GALNT1: variants seen among roughly 807,000 people sequenced by gnomAD.
GALNT1 encodes the protein GalNAc transferase 1.
Under a neutral mutation model 65.7 loss-of-function variants are expected in GALNT1, and 17 were observed. That is an observed-to-expected ratio of 0.26 (90% confidence interval 0.18 to 0.39). The LOEUF is 0.39. GALNT1 is among the 10% of genes least tolerant of loss of function. GALNT1 has a pLI of 1.00. For missense variants in GALNT1, 460 were observed against 672.8 expected, an observed-to-expected ratio of 0.68 and a Z score of 3.50; for synonymous variants, 210 against 219.7, an observed-to-expected ratio of 0.96 and a Z score of 0.39.
At chr18:35,628,656 G>A (rs2046956025) in intron 1 of GALNT1, among the ~76,000 whole-genome samples, 1 of 152,156 alleles carries the variant, frequency 6.6e-6, no homozygotes, top group African/African-American at 2.4e-5. Flanking sequence ...CAAAATCAGA[G>A]CACCTCTCCT....
chr18:35,653,929 G>T (rs1467543797), intron 1 of GALNT1, among the ~76,000 whole-genome samples: 4 of 152,170 alleles, frequency 2.6e-5, no homozygotes, highest in African/African-American at 9.7e-5. Flanking sequence ...TTTCCTGAAT[G>T]ATTGGTGACT....
At chr18:35,681,561 G>C (rs1029783682) in intron 4 of GALNT1, among the ~76,000 whole-genome samples, 2 of 151,978 alleles carry the variant, frequency 1.3e-5, no homozygotes, top group African/African-American at 4.8e-5. Context: ...GGATTAGATT[G>C]CTTTAGTTCT....
In GALNT1 at chr18:35,693,965, T is replaced by A. The variant is rs117305978; in HGVS notation, c.1299+1645T>A. On this transcript the variant is annotated intron_variant, in intron 9 of 11. Coordinates refer to ENST00000269195, the MANE Select transcript of GALNT1 (RefSeq NM_020474.4). ...AAAAAGATTGAGAAGGAGTAGGCAG[T>A]GAAATAGGAGAACCTAGAGAGTGGT... Among the ~76,000 whole-genome samples, 19 of 152,146 alleles carry A rather than the reference T, an allele frequency of 1.2e-4. No homozygotes were observed. The East Asian group carries it at 1.7e-3, about 14-fold the overall frequency.
intron 1 of GALNT1, among the ~76,000 whole-genome samples, chr18:35,628,657 C>T (rs1281508878): frequency 2.0e-5 from 3 of 152,122 alleles, no homozygotes; most frequent in African/African-American, 2.4e-5. Flanking sequence ...AAAATCAGAG[C>T]ACCTCTCCTC....
intron 7 of GALNT1, 130 bp downstream of exon 7, chr18:35,689,420 C>T (rs1041645627): frequency 9.7e-6 from 6 of 618,212 alleles, no homozygotes; most frequent in African/African-American, 7.6e-5. Flanking sequence ...TCAGAGCCTT[C>T]AGTCCATAAA....
chr18:35,623,743 A>T (rs1258371766), intron 1 of GALNT1, among the ~76,000 whole-genome samples: 2 of 152,134 alleles, frequency 1.3e-5, no homozygotes, highest in Non-Finnish European at 2.9e-5. Flanking sequence ...TGTATTTTAC[A>T]TGATTCTGTG....
intron 1 of GALNT1, among the ~76,000 whole-genome samples, chr18:35,647,558 CTT>C (rs1424669502): frequency 6.6e-6 from 1 of 152,018 alleles, no homozygotes; most frequent in African/African-American, 2.4e-5. Context: ...TTTTTTAAGT[CTT>C]TTAGTTTTCT....
chr18:35,590,085 T>G (rs1475754667), intron 1 of GALNT1, among the ~76,000 whole-genome samples: 2 of 152,196 alleles, frequency 1.3e-5, no homozygotes, highest in African/African-American at 4.8e-5. Context: ...GCCATTCAGT[T>G]GAACTTCTCT....
At chr18:35,605,275 G>A (rs530198424) in intron 1 of GALNT1, among the ~76,000 whole-genome samples, 3 of 152,090 alleles carry the variant, frequency 2.0e-5, no homozygotes, top group East Asian at 1.9e-4. Context: ...TTGGGAGGCC[G>A]AGACAGGTGG....
At chr18:35,700,593 C>T (rs967495641) in intron 9 of GALNT1, among the ~76,000 whole-genome samples, 4 of 152,122 alleles carry the variant, frequency 2.6e-5, no homozygotes, top group African/African-American at 7.2e-5. Flanking sequence ...GCCCAGATCT[C>T]GCATGTCAGG....
intron 2 of GALNT1, among the ~76,000 whole-genome samples, chr18:35,662,334 T>C (rs535634925): frequency 4.6e-5 from 7 of 152,348 alleles, no homozygotes; most frequent in Admixed American, 3.3e-4. Flanking sequence ...TTCTACTATT[T>C]TAATGTTCCA....
chr18:35,599,366 C>CTTTTTTTT (rs60191738), intron 1 of GALNT1, among the ~76,000 whole-genome samples: 1 of 122,758 alleles, frequency 8.1e-6, no homozygotes, highest in Non-Finnish European at 1.6e-5. Context: ...GAGATTTACA[C>CTTTTTTTT]TTTTTTTTTT....
At chr18:35,609,176 A>T (rs967435698) in intron 1 of GALNT1, among the ~76,000 whole-genome samples, 1 of 152,164 alleles carries the variant, frequency 6.6e-6, no homozygotes, top group Non-Finnish European at 1.5e-5. Context: ...TTTACTTTAA[A>T]TCTTATCCCT....
chr18:35,634,502 A>G (rs1377823200), intron 1 of GALNT1, among the ~76,000 whole-genome samples: 1 of 152,194 alleles, frequency 6.6e-6, no homozygotes, highest in Non-Finnish European at 1.5e-5. Context: ...GGTGAAGTTC[A>G]GAGGCAAACA....
At chr18:35,655,810 G>A (rs903025906) in intron 2 of GALNT1, among the ~76,000 whole-genome samples, 1 of 152,086 alleles carries the variant, frequency 6.6e-6, no homozygotes, top group African/African-American at 2.4e-5. Context: ...TTATATGTGG[G>A]CTTACATAAC....
chr18:35,598,129 G>A lies in GALNT1; in HGVS notation c.-104+16267G>A, dbSNP rs989297034. ...GCGACCTCAGTTCACTGCAGCCTCC[G>A]GATTCAAGCGATTCTCCTGCCTTAG... On this transcript the variant is annotated intron_variant, in intron 1 of 11. Transcript: ENST00000269195. Among the ~76,000 whole-genome samples the A allele has an allele frequency of 8.0e-5, 12 of 150,176 alleles. 1 individual carries two copies. Among genetic ancestry groups the A allele is most frequent in the Admixed American group, 2.0e-4 (3 of 15,036 alleles).
intron 1 of GALNT1, among the ~76,000 whole-genome samples, chr18:35,623,680 A>G (rs953450253): frequency 1.7e-4 from 26 of 152,242 alleles, no homozygotes; most frequent in African/African-American, 6.0e-4. Context: ...TCTGTTGTCT[A>G]TAATCTGCTG....
At position 35,689,174 on chromosome 18, in the gene GALNT1, A is replaced by G. The variant is rs1305715324; in HGVS notation, c.862A>G (p.Thr288Ala). 2 of 1,584,524 alleles carry G rather than the reference A, an allele frequency of 1.3e-6. No individual in the cohort carries two copies. The change falls in exon 7 of 12, where the codon ACA becomes GCA. Residue 288 changes from threonine (T) to alanine (A), a missense_variant and splice_region_variant. Thr to Ala is a moderately conservative substitution (Grantham distance 58). Transcript: ENST00000269195. The stretch of plus-strand genomic sequence containing the variant: ...TGGTATAGCATTATTGAATTTCAGG[A>G]CACCTACCATGGCAGGAGGCCTTTT... ...RKGDRTLPVRTPTMAGGLFSI... is the reference protein window; with the variant it reads ...RKGDRTLPVRAPTMAGGLFSI...
chr18:35,691,367 CCTAGAA>C lies in GALNT1; in HGVS notation c.1159+176_1159+181del, dbSNP rs1166182617. On this transcript the variant is annotated intron_variant, in intron 8 of 11. Transcript: ENST00000269195. ...AGTATAGAAAGTGCTTGGCAGAATG[CCTAGAA>C]TAATATATAATTAACAGTAATAAAT... is the stretch of plus-strand genomic sequence containing the variant. The C allele has an allele frequency of 5.8e-4, 262 of 453,530 alleles. 1 individual carries two copies. The East Asian group carries it at 8.4e-3, about 15-fold the overall frequency. The allele number at this position is 453,530 out of a possible 1,614,324, so 28.1% of individuals were successfully genotyped here. A position where few individuals can be genotyped will look rare whatever the true frequency, so the allele number is the denominator to read the frequency against.
Sources: gnomAD v4.1 joint callset for allele counts (sites outside exome capture counted in the v4.1 genomes callset) on GRCh38, gnomAD v4.1.1 for gene constraint, MANE v1.5 for transcripts, NCBI Gene and HGNC (gene_info 2026-07-23, HGNC 2026-07-21) for gene names.